The following NEB variants were observed in gnomAD, a reference collection of about 807,000 sequenced individuals.
NEB encodes the protein nemaline myopathy type 2.
Under a neutral mutation model 952.2 loss-of-function variants are expected in NEB, and 512 were observed. That is an observed-to-expected ratio of 0.54 (90% CI 0.50 to 0.58). The LOEUF (loss-of-function observed/expected upper bound fraction) is 0.58, where lower values mean the gene tolerates loss of function less well. NEB is among the 20% of genes least tolerant of loss of function. The probability of loss-of-function intolerance (pLI) is 0.00; values close to 1 mark genes in which losing one functional copy is unlikely to be tolerated. For synonymous variants in NEB, 2,900 were observed against 3,149.8 expected (o/e 0.92, Z 2.66); for missense variants, 8,428 against 9,231.1 (o/e 0.91, Z 3.56).
At position 151,643,338 on chromosome 2, in the gene NEB, C is replaced by G. The variant is rs1448753028; in HGVS notation, c.7972G>C (p.Asp2658His). The G allele has an allele frequency of 1.2e-6, 2 of 1,607,964 alleles. No homozygotes were observed. Among genetic ancestry groups the G allele is most frequent in the Non-Finnish European group, 1.7e-6 (2 of 1,176,142 alleles). Residue 2658 changes from aspartate (D) to histidine (H), a missense_variant, in exon 58 of 182, where the codon GAC becomes CAC. By Grantham distance (81) the Asp-to-His change is moderately conservative. This residue lies in a region of NEB where 1,772 missense variants were observed against 1,960.3 expected (regional missense o/e 0.90). Coordinates refer to ENST00000397345, the MANE Select transcript of NEB (RefSeq NM_001164508.2). ...CCAATGCCTTTTAGCCACTGAAGGTCTGACTTGTACAAATTCTGAAAGTGC... is the reference window on the plus strand; with the variant it reads ...CCAATGCCTTTTAGCCACTGAAGGTGTGACTTGTACAAATTCTGAAAGTGC... ...DLQSDNLYKSDLQWLKGIGWM... is the reference protein window; with the variant it reads ...DLQSDNLYKSHLQWLKGIGWM...
chr2:151,534,303 T>A (rs756654072), intron 142 of NEB: 2 of 1,613,442 alleles, frequency 1.2e-6, no homozygotes, highest in South Asian at 2.2e-5. Flanking sequence ...CTGCTCATAA[T>A]CAGCTCTGTA....
At position 151,490,530 on chromosome 2, in the gene NEB, G is replaced by T. The variant is rs2055520322; in HGVS notation, c.25151-12C>A. ...GCGCTGAGCTTGGACTGGGAGAGAT[G>T]CAGTTGGGGGAGATGTAGCAAACAT... On this transcript the variant is annotated splice_polypyrimidine_tract_variant and intron_variant, in intron 179 of 181. Transcript: ENST00000397345. 1 of 1,606,564 alleles carries T rather than the reference G, an allele frequency of 6.2e-7. No individual in the cohort carries two copies. The highest frequency in any genetic ancestry group is 1.7e-5 in the Admixed American group (1 of 59,302).
chr2:151,644,873 C>T (rs956060913), intron 55 of NEB, among the ~76,000 whole-genome samples: 2 of 152,104 alleles, frequency 1.3e-5, no homozygotes, highest in Non-Finnish European at 2.9e-5. Flanking sequence ...CTTGTGGGAA[C>T]ATCACAGAGT....
intron 169 of NEB, 72 bp from the exon 170 acceptor site, chr2:151,498,424 T>TGGGAGTG (rs1685970334): frequency 9.2e-7 from 1 of 1,085,076 alleles, no homozygotes; most frequent in Non-Finnish European, 1.3e-6. Flanking sequence ...TTGGAGCAGT[T>TGGGAGTG]GGGAGTGGGA....
intron 102 of NEB, 143 bp from the exon 103 acceptor site, chr2:151,581,730 A>C: frequency 1.5e-6 from 1 of 669,358 alleles, no homozygotes; most frequent in Non-Finnish European, 2.5e-6. Flanking sequence ...AATTAAAACT[A>C]ACATAAGTAA....
chr2:151,508,250 G>C, intron 161 of NEB, 141 bp from the exon 162 acceptor site: 1 of 545,514 alleles, frequency 1.8e-6, no homozygotes, highest in Non-Finnish European at 3.2e-6. Context: ...AAGGATGTTA[G>C]GGCATCGCAA....
chr2:151,553,247 GA>G (rs2095441334), intron 127 of NEB, 150 bp downstream of exon 127: 1 of 656,836 alleles, frequency 1.5e-6, no homozygotes, highest in Non-Finnish European at 2.7e-6. Context: ...GCCTTCCTGA[GA>G]GATGGTTGCT....
intron 13 of NEB, among the ~76,000 whole-genome samples, chr2:151,706,291 A>G (rs1285179644): frequency 6.6e-6 from 1 of 152,182 alleles, no homozygotes; most frequent in Non-Finnish European, 1.5e-5. Flanking sequence ...GGAAAGCTTA[A>G]TGCAAACCTA....
chr2:151,568,335 G>A lies in NEB; in HGVS notation c.17717C>T (p.Ala5906Val). 6.2e-7 allele frequency: 1 copy of A among 1,613,574 alleles called. No homozygotes were observed. The highest frequency in any genetic ancestry group is 8.5e-7 in the Non-Finnish European group (1 of 1,179,770). Reference sequence around the variant, plus strand: ...CCATACCTGGTCCAGTATCCTAGCAGCCTCCTGGGCAGTGTGCAGCAGGGG... The same window carrying A: ...CCATACCTGGTCCAGTATCCTAGCAACCTCCTGGGCAGTGTGCAGCAGGGG... ...ETPLLHTAQE[A>V]ARILDQYLYK... is the part of the protein sequence containing the mutation. The change falls in exon 112 of 182, where the codon GCT (alanine) becomes GTT (valine). Residue 5906 changes from alanine (A) to valine (V), a missense_variant. By Grantham distance (64) the Ala-to-Val change is moderately conservative. Transcript: ENST00000397345.
In NEB at chr2:151,547,731, T is replaced by C; in HGVS notation, c.20165A>G (p.Tyr6722Cys). ...TTTCAGTTTGTGGTACAATTCCCGA[T>C]ACAGTCTCTACGTTGGAGGAAATAT... ...RVNNVTSERL[Y>C]RELYHKLKDK... Residue 6722 changes from tyrosine (Y) to cysteine (C), a missense_variant, in exon 132 of 182, where the codon TAT becomes TGT. Tyr to Cys is a radical substitution (Grantham distance 194). Around this residue, in one of 11 missense-constraint regions of NEB, gnomAD observed 3,374 missense variants for 3,651.5 expected, o/e 0.92. Coordinates refer to ENST00000397345, the MANE Select transcript of NEB (RefSeq NM_001164508.2). 6.2e-7 allele frequency: 1 copy of C among 1,612,080 alleles called. No individual in the cohort carries two copies. Among genetic ancestry groups the C allele is most frequent in the Non-Finnish European group, 8.5e-7 (1 of 1,178,778 alleles).
intron 28 of NEB, 42 bp from the exon 29 acceptor site, chr2:151,682,811 T>C (rs2099430402): frequency 6.6e-7 from 1 of 1,512,522 alleles, no homozygotes; most frequent in South Asian, 1.2e-5. Context: ...TGCTGTGTCA[T>C]CCTCATTATG....
chr2:151,494,081 C>G, intron 174 of NEB, 80 bp downstream of exon 174: 1 of 1,237,520 alleles, frequency 8.1e-7, no homozygotes, highest in Non-Finnish European at 1.2e-6. Context: ...TGTTTTTAAC[C>G]TGGGACAGGG....
At chr2:151,524,220 C>T in intron 153 of NEB, 91 bp downstream of exon 153, 2 of 1,106,476 alleles carry the variant, frequency 1.8e-6, no homozygotes, top group Non-Finnish European at 2.7e-6. Flanking sequence ...CCCAGCATCC[C>T]TTTGCATTTT....
Position 151,697,351 on chromosome 2 carries a change from T to C in NEB, c.1364A>G (p.Asp455Gly). Residue 455 changes from aspartate to glycine, a missense_variant and splice_region_variant, in exon 15 of 182, where the codon GAT becomes GGT. Coordinates refer to ENST00000397345, the MANE Select transcript of NEB (RefSeq NM_001164508.2). ...HCMKVTAQNS[D>G]KNYKAEYEED... ...TCAAACAATTGTCTTAGAACTTACA[T>C]CACTGTTTTGAGCTGTGACTTTCAT... The C allele has an allele frequency of 6.2e-7, 1 of 1,613,520 alleles. No individual in the cohort carries two copies. Among genetic ancestry groups the C allele is most frequent in the Non-Finnish European group, 8.5e-7 (1 of 1,179,434 alleles).
intron 52 of NEB, among the ~76,000 whole-genome samples, chr2:151,653,399 G>C (rs2099052015): frequency 6.6e-6 from 1 of 152,154 alleles, no homozygotes; most frequent in Non-Finnish European, 1.5e-5. Flanking sequence ...ATCATAACTG[G>C]AATCTACCTT....
chr2:151,520,836 C>T (rs754562358), intron 153 of NEB, among the ~76,000 whole-genome samples: 1 of 151,968 alleles, frequency 6.6e-6, no homozygotes, highest in South Asian at 2.1e-4. Context: ...TGCACTCCAT[C>T]GTGGGCAACA....
chr2:151,712,853 A>T (rs2099749016), intron 10 of NEB, among the ~76,000 whole-genome samples: 1 of 152,092 alleles, frequency 6.6e-6, no homozygotes, highest in South Asian at 2.1e-4. Context: ...TCAGGGTCCA[A>T]CATTCAACCT....
intron 169 of NEB, among the ~76,000 whole-genome samples, chr2:151,499,032 A>G (rs186496961): frequency 0.01 from 269 of 26,322 alleles, 2 homozygotes; most frequent in Middle Eastern, 0.031. Flanking sequence ...CCAAAGCAGT[A>G]TAAATGTGGA....
chr2:151,695,131 G>T (rs1404257592), intron 18 of NEB, among the ~76,000 whole-genome samples: 2 of 152,110 alleles, frequency 1.3e-5, no homozygotes, highest in Non-Finnish European at 2.9e-5. Context: ...GGATAGAAAT[G>T]GGTATCTGGA....
Sources: allele counts gnomAD v4.1 joint callset (sites outside exome capture counted in the v4.1 genomes callset), GRCh38; gene constraint gnomAD v4.1.1; regional missense constraint gnomAD v4.1.1; transcripts MANE v1.5; gene names NCBI Gene and HGNC (gene_info 2026-07-23, HGNC 2026-07-21).